The following CTNNA3 variants were observed in gnomAD, a reference collection of about 807,000 sequenced individuals.
The protein encoded by CTNNA3 is catenin alpha-3.
In CTNNA3, 76 loss-of-function variants were observed where a neutral mutation model predicts 95.7. That is an observed-to-expected ratio of 0.79 (90% CI 0.66 to 0.96). CTNNA3 has a LOEUF of 0.96. Ranked by LOEUF, CTNNA3 falls within the 40% of genes least tolerant of loss-of-function variation. The pLI, the probability that CTNNA3 is intolerant of heterozygous loss-of-function variation, is 0.00. For missense variants in CTNNA3, 1,191 were observed against 1,089.8 expected (o/e 1.09, Z -1.31); for synonymous variants, 431 against 374.4 (o/e 1.15, Z -1.74).
chr10:67,318,136 A>G (rs770674141), intron 5 of CTNNA3, among the ~76,000 whole-genome samples: 7 of 152,096 alleles, frequency 4.6e-5, no homozygotes, highest in Non-Finnish European at 8.8e-5. Flanking sequence ...TTTACCCCCT[A>G]CTTACTCAGG....
At chr10:66,708,773 C>T (rs552037046) in intron 9 of CTNNA3, among the ~76,000 whole-genome samples, 50 of 152,206 alleles carry the variant, frequency 3.3e-4, no homozygotes, top group African/African-American at 1.1e-3. Flanking sequence ...TGAAATCCCT[C>T]GTAAGGTTGT....
chr10:66,714,797 T>C (rs753733241), intron 9 of CTNNA3, among the ~76,000 whole-genome samples: 8 of 152,124 alleles, frequency 5.3e-5, no homozygotes, highest in Non-Finnish European at 1.0e-4. Context: ...AAAACCAAGG[T>C]TCTAAAGTCA....
intron 7 of CTNNA3, among the ~76,000 whole-genome samples, chr10:66,899,228 T>C (rs7908463): frequency 0.38 from 57,853 of 152,094 alleles, 11,507 homozygotes; most frequent in Non-Finnish European, 0.44. Context: ...AGCAAAGATA[T>C]GGAGAACCTG....
chr10:66,526,754 G>A (rs1841281645), intron 10 of CTNNA3, among the ~76,000 whole-genome samples: 1 of 152,042 alleles, frequency 6.6e-6, no homozygotes, highest in South Asian at 2.1e-4. Context: ...ATCTTCTTTG[G>A]AGAAATGTCT....
intron 7 of CTNNA3, among the ~76,000 whole-genome samples, chr10:67,080,887 C>A (rs1013348640): frequency 6.8e-6 from 1 of 146,712 alleles, no homozygotes; most frequent in South Asian, 2.1e-4. Flanking sequence ...CCAGCCTGGG[C>A]GAGAGAGCGA....
At chr10:67,471,881 C>G (rs958302154) in intron 5 of CTNNA3, among the ~76,000 whole-genome samples, 1 of 151,936 alleles carries the variant, frequency 6.6e-6, no homozygotes, top group Non-Finnish European at 1.5e-5. Context: ...AATGTTTGCT[C>G]CAAATATAAA....
At position 67,043,082 on chromosome 10, in the gene CTNNA3, A is replaced by C. The variant is rs145936825; in HGVS notation, c.1047+137235T>G. Among the ~76,000 whole-genome samples, 134 of 151,790 alleles carry C rather than the reference A, an allele frequency of 8.8e-4. 3 individuals carry two copies. Among genetic ancestry groups the C allele is most frequent in the African/African-American group, 3.1e-3 (130 of 41,440 alleles). On this transcript the variant is annotated intron_variant, in intron 7 of 17. Coordinates refer to ENST00000433211, the MANE Select transcript of CTNNA3 (RefSeq NM_013266.4). ...GGAAATACAGATATAAATTACCTGC[A>C]GGTGTGAGGGCTAGCTCTTGGGAGA... is the stretch of plus-strand genomic sequence containing the variant.
chr10:66,196,961 T>G (rs111643542), intron 13 of CTNNA3, among the ~76,000 whole-genome samples: 215 of 152,098 alleles, frequency 1.4e-3, no homozygotes, highest in African/African-American at 5.1e-3. Flanking sequence ...ACCTGGTATG[T>G]TAGGCAGGAC....
At chr10:66,646,120 T>G (rs1845699192) in intron 9 of CTNNA3, among the ~76,000 whole-genome samples, 1 of 152,136 alleles carries the variant, frequency 6.6e-6, no homozygotes, top group African/African-American at 2.4e-5. Flanking sequence ...TAAATCCTTT[T>G]GGGAACTATA....
chr10:66,523,046 A>G (rs557700422), intron 10 of CTNNA3, among the ~76,000 whole-genome samples: 71 of 152,284 alleles, frequency 4.7e-4, no homozygotes, highest in Admixed American at 1.4e-3. Flanking sequence ...AAAGAGGAAC[A>G]TATTAAATTT....
At chr10:66,393,260 G>A (rs996355883) in intron 11 of CTNNA3, among the ~76,000 whole-genome samples, 11 of 152,024 alleles carry the variant, frequency 7.2e-5, no homozygotes, top group Non-Finnish European at 1.5e-4. Context: ...TTTCCAGATG[G>A]TAAAACTATT....
rs146041951 is a variant in CTNNA3, at chr10:66,930,684, T to A, written c.1048-155160A>T. Reference sequence around the variant, plus strand: ...GTATATATAAAATATGCTTGCTGTATTGAAAAGCATTCCTAAAATTCAAAG... The same window carrying A: ...GTATATATAAAATATGCTTGCTGTAATGAAAAGCATTCCTAAAATTCAAAG... On this transcript the variant is annotated intron_variant, in intron 7 of 17. Coordinates refer to ENST00000433211, the MANE Select transcript of CTNNA3 (RefSeq NM_013266.4). Among the ~76,000 whole-genome samples, 1,307 of 152,316 alleles carry A rather than the reference T, an allele frequency of 8.6e-3. 20 individuals carry two copies. Among genetic ancestry groups the A allele is most frequent in the African/African-American group, 0.03 (1,229 of 41,578 alleles).
At chr10:67,637,374 A>G (rs946854418) in intron 2 of CTNNA3, among the ~76,000 whole-genome samples, 2 of 152,254 alleles carry the variant, frequency 1.3e-5, no homozygotes, top group Non-Finnish European at 2.9e-5. Context: ...TGAAAAGACC[A>G]TATCTATGTC....
intron 1 of CTNNA3, among the ~76,000 whole-genome samples, chr10:67,716,630 G>C (rs914520333): frequency 5.3e-5 from 8 of 152,110 alleles, no homozygotes; most frequent in Non-Finnish European, 1.2e-4. Context: ...CTTCATCCAT[G>C]TACCTGCAAA....
At chr10:66,388,083 TTAAAG>T (rs1381728243) in intron 11 of CTNNA3, among the ~76,000 whole-genome samples, 2 of 152,122 alleles carry the variant, frequency 1.3e-5, no homozygotes, top group Admixed American at 1.3e-4. Context: ...ACCCTAGAAA[TTAAAG>T]TATAGTAGTA....
intron 14 of CTNNA3, among the ~76,000 whole-genome samples, chr10:66,083,316 A>G (rs1246731742): frequency 4.6e-5 from 7 of 152,152 alleles, no homozygotes; most frequent in Non-Finnish European, 4.4e-5. Context: ...ATGTCTCAAT[A>G]AAATATTCTT....
At chr10:67,117,265 A>G (rs1589757878) in intron 7 of CTNNA3, among the ~76,000 whole-genome samples, 1 of 152,014 alleles carries the variant, frequency 6.6e-6, no homozygotes, top group South Asian at 2.1e-4. Flanking sequence ...AATATTTAAA[A>G]AAAAAAACAA....
chr10:66,641,361 ATAT>A (rs1845510931), intron 9 of CTNNA3, among the ~76,000 whole-genome samples: 1 of 152,122 alleles, frequency 6.6e-6, no homozygotes, highest in Non-Finnish European at 1.5e-5. Flanking sequence ...GGCCAGACTA[ATAT>A]TATGTCTCAA....
intron 10 of CTNNA3, among the ~76,000 whole-genome samples, chr10:66,550,429 A>G (rs533964237): frequency 1.3e-5 from 2 of 152,290 alleles, no homozygotes; most frequent in South Asian, 4.1e-4. Context: ...TATGCAAAAT[A>G]GGCTCACAGG....
Sources: gnomAD v4.1 joint callset for allele counts (sites outside exome capture counted in the v4.1 genomes callset) on GRCh38, gnomAD v4.1.1 for gene constraint, MANE v1.5 for transcripts, NCBI Gene and HGNC (gene_info 2026-07-23, HGNC 2026-07-21) for gene names.